The following LYZL2 variants were observed in gnomAD, a reference collection of about 807,000 sequenced individuals.
LYZL2 encodes the protein lysozyme-like protein 2.
In LYZL2, 13 loss-of-function variants were observed where a neutral mutation model predicts 17.1. The ratio of observed to expected loss-of-function variants is 0.76; its 90% CI spans 0.49 to 1.21. The LOEUF (loss-of-function observed/expected upper bound fraction) is 1.21, where lower values mean the gene tolerates loss of function less well. Among genes scored for constraint, LYZL2 ranks in the 50% most tolerant of loss-of-function variants. The pLI, the probability that LYZL2 is intolerant of heterozygous loss-of-function variation, is 0.00. For missense variants in LYZL2, 166 were observed against 189.2 expected, an observed-to-expected ratio of 0.88 and a Z score of 0.72; for synonymous variants, 63 against 74.4, an observed-to-expected ratio of 0.85 and a Z score of 0.79.
chr10:30,609,289 C>T (rs1374285019), downstream of LYZL2, among the ~76,000 whole-genome samples: 1 of 152,180 alleles, frequency 6.6e-6, no homozygotes, highest in Non-Finnish European at 1.5e-5. Context: ...TCCTATGGCA[C>T]ACACCAGCCA....
chr10:30,621,790 C>T (rs1838624368), intron 3 of LYZL2, among the ~76,000 whole-genome samples: 1 of 152,176 alleles, frequency 6.6e-6, no homozygotes, highest in Non-Finnish European at 1.5e-5. Flanking sequence ...TATCAATTAA[C>T]TGTCTGCTCA....
At chr10:30,625,669 G>C (rs1838690436) in intron 3 of LYZL2, among the ~76,000 whole-genome samples, 1 of 152,190 alleles carries the variant, frequency 6.6e-6, no homozygotes, top group South Asian at 2.1e-4. Context: ...GGGCAACAGA[G>C]TGAGACCCTG....
At chr10:30,613,495 T>C (rs987651998) in intron 3 of LYZL2, among the ~76,000 whole-genome samples, 3 of 105,600 alleles carry the variant, frequency 2.8e-5, no homozygotes, top group Admixed American at 1.8e-4. Context: ...AGACTCTGTC[T>C]TAAGAAAAAA....
At chr10:30,628,115 G>A (rs1234641263) in intron 1 of LYZL2, among the ~76,000 whole-genome samples, 1 of 152,026 alleles carries the variant, frequency 6.6e-6, no homozygotes, top group Non-Finnish European at 1.5e-5. Flanking sequence ...AGCGGAGATT[G>A]CGCCACTGCA....
chr10:30,625,481 G>C (rs1324700768), intron 3 of LYZL2, among the ~76,000 whole-genome samples: 1 of 151,922 alleles, frequency 6.6e-6, no homozygotes, highest in Non-Finnish European at 1.5e-5. Flanking sequence ...TTCAAGACCA[G>C]CCTGGGAGAG....
At position 30,622,804 on chromosome 10, in the gene LYZL2, T is replaced by C. The variant is rs111570772; in HGVS notation, c.298+3301A>G. Among the ~76,000 whole-genome samples the C allele has an allele frequency of 7.9e-3, 1,202 of 152,314 alleles. 10 individuals are homozygous for C. The highest frequency in any genetic ancestry group is 0.012 in the Non-Finnish European group (836 of 68,022). The stretch of plus-strand genomic sequence containing the variant: ...CTAAAATATTTATCATTTGGCCCTT[T>C]AGGCAAACATTTGCTGACCTATGTT... On this transcript the variant is annotated intron_variant, in intron 3 of 4. Coordinates refer to ENST00000647634, the MANE Select transcript of LYZL2 (RefSeq NM_183058.3).
intron 3 of LYZL2, among the ~76,000 whole-genome samples, chr10:30,622,938 A>G (rs1467708060): frequency 1.3e-5 from 2 of 152,268 alleles, no homozygotes; most frequent in African/African-American, 4.8e-5. Context: ...CAGATGGATT[A>G]AAAGTAGAAG....
downstream of LYZL2, among the ~76,000 whole-genome samples, chr10:30,608,384 A>G (rs758517322): frequency 6.6e-6 from 1 of 152,234 alleles, no homozygotes; most frequent in Non-Finnish European, 1.5e-5. Flanking sequence ...GGCTTTCTTG[A>G]TAAAGCCTCT....
chr10:30,610,969 G>A (rs1416779169), downstream of LYZL2, among the ~76,000 whole-genome samples: 2 of 152,078 alleles, frequency 1.3e-5, no homozygotes, highest in African/African-American at 2.4e-5. Context: ...TGCATACATC[G>A]ATGGTCCTTC....
chr10:30,611,985 G>C lies in LYZL2; in HGVS notation c.417C>G (p.Ser139=). The change falls in exon 5 of 5, where the codon TCC becomes TCG. Residue 139 remains serine (S), a synonymous_variant. Transcript: ENST00000647634. ...AAACCTCACAGTCTTTTTTCCAGTC[G>C]GACAGGTCTCTCCCCTCACAGTGTT... ...WKKHCEGRDL[S]DWKKDCEVS is the part of the protein sequence containing the mutation. 2.5e-6 allele frequency: 4 copies of C among 1,614,048 alleles called. No homozygotes were observed. The highest frequency in any genetic ancestry group is 2.5e-6 in the Non-Finnish European group (3 of 1,180,004).
chr10:30,617,546 A>T (rs1417582344), intron 3 of LYZL2, among the ~76,000 whole-genome samples: 3 of 151,840 alleles, frequency 2.0e-5, no homozygotes, highest in Non-Finnish European at 4.4e-5. Flanking sequence ...GTGGTGGCAC[A>T]CGCCTGTAAT....
rs138080049 is a variant in LYZL2 at position 30,629,674 on chromosome 10, G to C, written c.-107C>G. ...GGAAGAAACACTGCTCCACTTAGTC[G>C]GTGACAGGCAGCTCAGGGGAGCGTC... On this transcript the variant is annotated 5_prime_UTR_variant, in exon 1 of 5. Transcript: ENST00000647634. The C allele has an allele frequency of 1.2e-6, 2 of 1,613,930 alleles. No individual in the cohort carries two copies. Among genetic ancestry groups the C allele is most frequent in the Middle Eastern group, 1.7e-4 (1 of 6,058 alleles).
chr10:30,611,587 G>GAA (rs1424477166), downstream of LYZL2, among the ~76,000 whole-genome samples: 2 of 116,900 alleles, frequency 1.7e-5, no homozygotes, highest in African/African-American at 7.3e-5. Flanking sequence ...AAGAAAGAAA[G>GAA]AAAGAAAGAA....
chr10:30,620,331 G>C (rs1340626355), intron 3 of LYZL2, among the ~76,000 whole-genome samples: 2 of 152,200 alleles, frequency 1.3e-5, no homozygotes, highest in Non-Finnish European at 2.9e-5. Context: ...CCGCTTATGA[G>C]TAACCATGGA....
intron 3 of LYZL2, among the ~76,000 whole-genome samples, chr10:30,619,657 T>A (rs1420798662): frequency 8.6e-6 from 1 of 116,088 alleles, no homozygotes; most frequent in Non-Finnish European, 1.6e-5. Flanking sequence ...AAGGGGAACA[T>A]CACACACCGG....
chr10:30,615,034 C>T (rs995475703), intron 3 of LYZL2, among the ~76,000 whole-genome samples: 1 of 152,040 alleles, frequency 6.6e-6, no homozygotes, highest in Non-Finnish European at 1.5e-5. Context: ...GAAATGCTCC[C>T]AATGCAATGT....
rs368155626 is a variant in LYZL2, at chr10:30,622,321, C to G, written c.298+3784G>C. Among the ~76,000 whole-genome samples, 119 of 152,146 alleles carry G rather than the reference C, an allele frequency of 7.8e-4. 1 individual carries two copies. In the South Asian group the frequency reaches 0.011, roughly 15 times the overall value. On this transcript the variant is annotated intron_variant, in intron 3 of 4. Transcript: ENST00000647634. ...CAGCACTTTGGGAGGCCAAGGTAGG[C>G]AGATCACAAGGTCAGGAGATCGAGA...
At chr10:30,618,012 G>A (rs1330649018) in intron 3 of LYZL2, among the ~76,000 whole-genome samples, 1 of 151,734 alleles carries the variant, frequency 6.6e-6, no homozygotes, top group Non-Finnish European at 1.5e-5. Context: ...AAAATCACAA[G>A]CATTCTTATA....
chr10:30,612,120 C>A (rs1343932776), intron 4 of LYZL2, 96 bp from the exon 5 acceptor site: 4 of 1,453,416 alleles, frequency 2.8e-6, no homozygotes, highest in Non-Finnish European at 3.8e-6. Context: ...AAATCGCCAG[C>A]GGAACCCTGG....
Sources: gnomAD v4.1 joint callset for allele counts (sites outside exome capture counted in the v4.1 genomes callset) on GRCh38, gnomAD v4.1.1 for gene constraint, MANE v1.5 for transcripts, NCBI Gene and HGNC (gene_info 2026-07-23, HGNC 2026-07-21) for gene names.